The following CRAMP1 variants were observed in gnomAD, a reference collection of about 807,000 sequenced individuals.
CRAMP1 encodes protein cramped-like.
In CRAMP1, 50 loss-of-function variants were observed where a neutral mutation model predicts 115.4. That is an observed-to-expected ratio of 0.43 (90% CI 0.35 to 0.55). The LOEUF is 0.55. CRAMP1 is among the 20% of genes least tolerant of loss of function. The pLI is 0.01. For synonymous variants in CRAMP1, 866 were observed against 745.4 expected (o/e 1.16, Z -2.64); for missense variants, 1,679 against 1,721.7 (o/e 0.98, Z 0.44).
intron 4 of CRAMP1, among the ~76,000 whole-genome samples, chr16:1,636,232 G>A (rs908889569): frequency 1.3e-4 from 20 of 152,162 alleles, no homozygotes; most frequent in African/African-American, 4.3e-4. Context: ...TTAGCAGGGC[G>A]TGGTGGCGCA....
At chr16:1,649,630 C>T (rs2036706128) in intron 6 of CRAMP1, among the ~76,000 whole-genome samples, 1 of 151,986 alleles carries the variant, frequency 6.6e-6, no homozygotes, top group Non-Finnish European at 1.5e-5. Flanking sequence ...GCTGGGCCTA[C>T]AGGCACCCAC....
At chr16:1,667,468 C>T in intron 17 of CRAMP1, 68 bp downstream of exon 17, 1 of 1,261,104 alleles carries the variant, frequency 7.9e-7, no homozygotes, top group South Asian at 1.2e-5. Context: ...CCCTGAGCTG[C>T]CACCTGCAGT....
At chr16:1,620,508 G>T (rs1263226034) in intron 2 of CRAMP1, 12 of 409,142 alleles carry the variant, frequency 2.9e-5, no homozygotes, top group African/African-American at 2.4e-4. Flanking sequence ...TGTCACTCTT[G>T]ATTTTACTAT....
chr16:1,652,962 C>T (rs1351270713), intron 7 of CRAMP1, 71 bp from the exon 8 acceptor site: 1 of 1,578,690 alleles, frequency 6.3e-7, no homozygotes. Context: ...ACTGGTTTTT[C>T]TGGCCCAGCC....
rs1347578414 is a variant in CRAMP1 at position 1,653,825 on chromosome 16, A to AC, written c.1037+669_1037+670insC. Among the ~76,000 whole-genome samples the AC allele has an allele frequency of 5.6e-5, 8 of 142,202 alleles. No homozygotes were observed. The Admixed American group carries it at 7.0e-4, about 12-fold the overall frequency. 93.3% of individuals were successfully genotyped at this position (142,202 alleles called of 152,430 possible). ...GATAGAGCAAGACTCTGTCTCAAAA[A>AC]AAAAAAAAAAAACAAACAAAAAAGA... On this transcript the variant is annotated intron_variant, in intron 8 of 20. Coordinates refer to ENST00000397412, the MANE Select transcript of CRAMP1 (RefSeq NM_020825.4).
At chr16:1,663,764 G>A (rs918390202) in intron 13 of CRAMP1, among the ~76,000 whole-genome samples, 8 of 152,010 alleles carry the variant, frequency 5.3e-5, no homozygotes, top group South Asian at 2.1e-4. Context: ...CCACGGATCC[G>A]CTTTCTGTCT....
chr16:1,674,021 C>G lies in CRAMP1; in HGVS notation c.3786C>G (p.Pro1262=), dbSNP rs375409947. 1 of 1,612,116 alleles carries G rather than the reference C, an allele frequency of 6.2e-7. No individual in the cohort carries two copies. The highest frequency in any genetic ancestry group is 1.1e-5 in the South Asian group (1 of 90,978). The stretch of plus-strand genomic sequence containing the variant: ...TGTTTGATGGTGGTGGAGGCGGCCC[C>G]GCTGTCAGTGACCTGTCCCAGTGAC... The part of the protein sequence containing the change: ...EALFDGGGGG[P]AVSDLSQ The change falls in exon 21 of 21, where the codon CCC becomes CCG. Residue 1262 remains proline, a synonymous_variant. Transcript: ENST00000397412.
chr16:1,658,824 G>A (rs1307065112), intron 10 of CRAMP1, among the ~76,000 whole-genome samples: 1 of 152,234 alleles, frequency 6.6e-6, no homozygotes, highest in Non-Finnish European at 1.5e-5. Context: ...GGGCTGTGCT[G>A]AGAGCACGGG....
intron 2 of CRAMP1, chr16:1,620,629 C>G: frequency 2.2e-6 from 1 of 456,994 alleles, no homozygotes; most frequent in South Asian, 1.6e-5. Flanking sequence ...TCTGACCTCT[C>G]ACGTCCAGAC....
intron 2 of CRAMP1, among the ~76,000 whole-genome samples, chr16:1,620,936 TACATG>T (rs1303013137): frequency 1.3e-5 from 2 of 151,520 alleles, no homozygotes; most frequent in Non-Finnish European, 2.9e-5. Flanking sequence ...TTTTTTTTTT[TACATG>T]ACATAATGCT....
chr16:1,660,304 A>G (rs569455942), intron 11 of CRAMP1, among the ~76,000 whole-genome samples: 27 of 152,364 alleles, frequency 1.8e-4, no homozygotes, highest in African/African-American at 6.0e-4. Flanking sequence ...GTGAGAAGCC[A>G]GCCTTTGCCA....
chr16:1,615,545 C>A (rs1318398770), intron 2 of CRAMP1, among the ~76,000 whole-genome samples: 1 of 152,190 alleles, frequency 6.6e-6, no homozygotes, highest in African/African-American at 2.4e-5. Context: ...GGGTTTACTT[C>A]TGTGCCAAAG....
chr16:1,668,263 A>G (rs2036893512), intron 18 of CRAMP1, 70 bp downstream of exon 18: 14 of 1,133,524 alleles, frequency 1.2e-5, no homozygotes, highest in South Asian at 2.5e-5. Context: ...TGTTTGCCAC[A>G]CTTCCTGGGG....
rs1370406006 is a variant in CRAMP1 at position 1,675,717 on chromosome 16, T to C, written c.*1672T>C. 18 of 152,274 alleles carry C rather than the reference T, an allele frequency of 1.2e-4. No homozygotes were observed. Among genetic ancestry groups the C allele is most frequent in the Admixed American group, 1.2e-3 (18 of 15,290 alleles). The allele number at this position is 152,274 out of a possible 1,614,324, so 9.4% of individuals were successfully genotyped here. ...ACTTCCAGGCAAGAGCTTCCTTCTT[T>C]TGTCTCACGAGTTTTTCTTAGAGCT... On this transcript the variant is annotated 3_prime_UTR_variant, in exon 21 of 21. Coordinates refer to ENST00000397412, the MANE Select transcript of CRAMP1 (RefSeq NM_020825.4).
intron 5 of CRAMP1, among the ~76,000 whole-genome samples, chr16:1,638,454 T>C (rs759522360): frequency 2.6e-5 from 4 of 152,208 alleles, no homozygotes; most frequent in Non-Finnish European, 4.4e-5. Context: ...TTCTGAGACA[T>C]TGCAACGCGC....
At chr16:1,638,049 C>T (rs569390661) in intron 5 of CRAMP1, 142 bp downstream of exon 5, 6 of 460,818 alleles carry the variant, frequency 1.3e-5, no homozygotes, top group Admixed American at 8.3e-5. Flanking sequence ...AATATGATGG[C>T]GGCCGTGCTC....
At chr16:1,623,565 C>G (rs2036483793) in intron 2 of CRAMP1, among the ~76,000 whole-genome samples, 1 of 152,224 alleles carries the variant, frequency 6.6e-6, no homozygotes, top group Non-Finnish European at 1.5e-5. Context: ...TACGTAACGG[C>G]AGGGCTGGTT....
At chr16:1,637,138 C>G (rs188641025) in intron 4 of CRAMP1, among the ~76,000 whole-genome samples, 1 of 152,054 alleles carries the variant, frequency 6.6e-6, no homozygotes, top group Non-Finnish European at 1.5e-5. Flanking sequence ...ACTAAAAATA[C>G]AAAAATTAGC....
Position 1,670,812 on chromosome 16 carries a change from G to T in CRAMP1, c.3645+3G>T. 1 of 1,613,774 alleles carries T rather than the reference G, an allele frequency of 6.2e-7. No homozygotes were observed. The highest frequency in any genetic ancestry group is 8.5e-7 in the Non-Finnish European group (1 of 1,179,782). ...GGTCCCTGGCTGACGTTGCAGAGGT[G>T]AGTGCATTGACCTCACAGCTGCACC... On this transcript the variant is annotated splice_donor_region_variant and intron_variant, in intron 20 of 20. Transcript: ENST00000397412.
Sources: gnomAD v4.1 joint callset for allele counts (sites outside exome capture counted in the v4.1 genomes callset) on GRCh38, gnomAD v4.1.1 for gene constraint, MANE v1.5 for transcripts, NCBI Gene and HGNC (gene_info 2026-07-23, HGNC 2026-07-21) for gene names.